Variants in PCDH9 observed in about 807,000 individuals in gnomAD.
PCDH9 encodes protocadherin-9.
Under a neutral mutation model 70.6 loss-of-function variants are expected in PCDH9, and 24 were observed. The observed-to-expected ratio is 0.34, with a 90% CI of 0.25 to 0.48. The LOEUF is 0.48. Among genes scored for constraint, PCDH9 ranks in the 20% least tolerant of loss-of-function variants. The pLI, the probability that PCDH9 is intolerant of heterozygous loss-of-function variation, is 0.99. For synonymous variants in PCDH9, 562 were observed against 558.5 expected (o/e 1.01, Z -0.09); for missense variants, 1,281 against 1,503.6 (o/e 0.85, Z 2.45).
chr13:66,307,254 GA>G (rs921128933), intron 4 of PCDH9, among the ~76,000 whole-genome samples: 6 of 151,590 alleles, frequency 4.0e-5, no homozygotes, highest in Middle Eastern at 6.8e-3. Context: ...AAAATTGATG[GA>G]AAAAAAATGG....
At chr13:67,130,750 G>A (rs1288719628) in intron 2 of PCDH9, among the ~76,000 whole-genome samples, 1 of 152,150 alleles carries the variant, frequency 6.6e-6, no homozygotes, top group East Asian at 1.9e-4. Flanking sequence ...ATCCTGCCAG[G>A]CAGCAAGCCA....
chr13:66,608,695 A>G (rs2077252990), intron 4 of PCDH9, among the ~76,000 whole-genome samples: 3 of 151,950 alleles, frequency 2.0e-5, no homozygotes, highest in Non-Finnish European at 4.4e-5. Flanking sequence ...AGCAACACTC[A>G]GCCCCAAATT....
intron 2 of PCDH9, among the ~76,000 whole-genome samples, chr13:67,022,095 A>C (rs2084685387): frequency 7.0e-6 from 1 of 143,634 alleles, no homozygotes; most frequent in Admixed American, 7.0e-5. Flanking sequence ...AAGGGTGGAC[A>C]AGGTGATGTT....
intron 2 of PCDH9, among the ~76,000 whole-genome samples, chr13:67,136,652 CTT>C (rs1566447571): frequency 6.6e-6 from 1 of 152,058 alleles, no homozygotes; most frequent in Non-Finnish European, 1.5e-5. Flanking sequence ...GGTCTAATCT[CTT>C]TGAAATGGAG....
chr13:66,975,100 C>T (rs975199868), intron 2 of PCDH9, among the ~76,000 whole-genome samples: 3 of 151,952 alleles, frequency 2.0e-5, no homozygotes, highest in African/African-American at 7.2e-5. Context: ...CTTATCTTCA[C>T]CATGAACTAG....
intron 2 of PCDH9, among the ~76,000 whole-genome samples, chr13:67,037,381 G>A (rs930713056): frequency 6.6e-6 from 1 of 152,108 alleles, no homozygotes; most frequent in Non-Finnish European, 1.5e-5. Context: ...ACTTTCTGCA[G>A]CTTTACTGTA....
At chr13:66,362,291 C>T (rs993272951) in intron 4 of PCDH9, among the ~76,000 whole-genome samples, 15 of 152,268 alleles carry the variant, frequency 9.9e-5, no homozygotes, top group African/African-American at 3.1e-4. Flanking sequence ...ATAGATGTAA[C>T]GGAAAACTTG....
At chr13:66,945,153 G>A (rs919705186) in intron 2 of PCDH9, among the ~76,000 whole-genome samples, 1 of 151,936 alleles carries the variant, frequency 6.6e-6, no homozygotes, top group Non-Finnish European at 1.5e-5. Flanking sequence ...TCTATATCAG[G>A]AAGAGTGTTG....
At chr13:66,363,760 T>G (rs2138199169) in intron 4 of PCDH9, among the ~76,000 whole-genome samples, 1 of 152,322 alleles carries the variant, frequency 6.6e-6, no homozygotes, top group Middle Eastern at 3.4e-3. Flanking sequence ...ATTCAATTCA[T>G]GCATAATGCA....
At chr13:66,819,740 T>TA (rs879520079) in intron 3 of PCDH9, among the ~76,000 whole-genome samples, 4 of 151,834 alleles carry the variant, frequency 2.6e-5, no homozygotes, top group African/African-American at 7.3e-5. Flanking sequence ...AAATGAAAAT[T>TA]AAAAAATTAG....
At chr13:67,076,470 G>A (rs773089614) in intron 2 of PCDH9, among the ~76,000 whole-genome samples, 1 of 152,148 alleles carries the variant, frequency 6.6e-6, no homozygotes, top group Non-Finnish European at 1.5e-5. Flanking sequence ...GAAGAGAGAA[G>A]TTTAAATCAC....
intron 4 of PCDH9, among the ~76,000 whole-genome samples, chr13:66,586,698 C>A (rs1165944500): frequency 6.6e-6 from 1 of 152,060 alleles, no homozygotes; most frequent in Non-Finnish European, 1.5e-5. Flanking sequence ...ATATATTTCA[C>A]CACTAGACAA....
At chr13:66,894,564 G>A (rs1555282386) in intron 3 of PCDH9, among the ~76,000 whole-genome samples, 1 of 151,982 alleles carries the variant, frequency 6.6e-6, no homozygotes, top group Non-Finnish European at 1.5e-5. Context: ...CCAATGATAA[G>A]ACTAACTATA....
At chr13:66,411,660 T>C (rs1456160926) in intron 4 of PCDH9, among the ~76,000 whole-genome samples, 1 of 151,922 alleles carries the variant, frequency 6.6e-6, no homozygotes, top group Non-Finnish European at 1.5e-5. Flanking sequence ...GATAGATAGA[T>C]AGATAGATAG....
At chr13:66,459,783 A>G (rs905061475) in intron 4 of PCDH9, among the ~76,000 whole-genome samples, 1 of 151,966 alleles carries the variant, frequency 6.6e-6, no homozygotes, top group East Asian at 1.9e-4. Context: ...TCTGCATCTC[A>G]TATCAGATTC....
At chr13:66,666,382 G>T (rs2078097600) in intron 3 of PCDH9, among the ~76,000 whole-genome samples, 1 of 151,924 alleles carries the variant, frequency 6.6e-6, no homozygotes, top group African/African-American at 2.4e-5. Context: ...GGTCCCATTT[G>T]CTCCTCATGC....
chr13:67,068,061 G>A (rs1474099438), intron 2 of PCDH9, among the ~76,000 whole-genome samples: 2 of 152,042 alleles, frequency 1.3e-5, no homozygotes, highest in Non-Finnish European at 1.5e-5. Flanking sequence ...AGAAAGCAGT[G>A]TAAAACAAGT....
At position 66,933,315 on chromosome 13, in the gene PCDH9, G is replaced by T. The variant is rs551439611; in HGVS notation, c.3037-29710C>A. Among the ~76,000 whole-genome samples the T allele has an allele frequency of 3.9e-5, 6 of 152,214 alleles. No individual in the cohort carries two copies. The South Asian group carries it at 1.2e-3, about 32-fold the overall frequency. On this transcript the variant is annotated intron_variant, in intron 2 of 4. Transcript: ENST00000377865. The stretch of plus-strand genomic sequence containing the variant: ...CATTGTCAACAAAGACAATATTAAA[G>T]AATCAGTTTAGAGGAAATAAATTTC...
intron 2 of PCDH9, chr13:67,223,776 T>C (rs2089785948): frequency 6.6e-6 from 1 of 152,070 alleles, no homozygotes; most frequent in Non-Finnish European, 1.5e-5. Flanking sequence ...TAAAATTCTA[T>C]ACTGATTAAA....
Sources: allele counts gnomAD v4.1 joint callset (sites outside exome capture counted in the v4.1 genomes callset), GRCh38; gene constraint gnomAD v4.1.1; transcripts MANE v1.5; gene names NCBI Gene and HGNC (gene_info 2026-07-23, HGNC 2026-07-21).